The following PRR16 variants were observed in gnomAD, a reference collection of about 807,000 sequenced individuals.
PRR16 encodes the protein proline rich 16, also known as protein Largen.
Under a neutral mutation model 18.2 loss-of-function variants are expected in PRR16, and 6 were observed. The observed-to-expected ratio is 0.33, with a 90% CI of 0.18 to 0.65. The LOEUF (loss-of-function observed/expected upper bound fraction) is 0.65. Ranked by LOEUF, PRR16 falls within the 30% of genes least tolerant of loss-of-function variation. The pLI, the probability that PRR16 is intolerant of heterozygous loss-of-function variation, is 0.74. For synonymous variants in PRR16, 151 were observed against 147.8 expected (o/e 1.02, Z -0.16); for missense variants, 412 against 376.6 (o/e 1.09, Z -0.78).
At chr5:120,756,316 T>A in the PRR16 span, among the ~76,000 whole-genome samples, 1 of 152,102 alleles carries the variant, frequency 6.6e-6, no homozygotes, top group African/African-American at 2.4e-5. Context: ...TTCCTTTTGA[T>A]TTAGTTGTAG....
intron 1 of PRR16, among the ~76,000 whole-genome samples, chr5:120,667,378 A>T (rs1255508431): frequency 6.6e-6 from 1 of 151,774 alleles, no homozygotes; most frequent in Non-Finnish European, 1.5e-5. Context: ...GTGGTCTATC[A>T]ATTTTGTTGA....
chr5:120,611,065 G>C (rs1269373412), intron 1 of PRR16, among the ~76,000 whole-genome samples: 1 of 152,176 alleles, frequency 6.6e-6, no homozygotes, highest in African/African-American at 2.4e-5. Context: ...CTCTTGTTAC[G>C]TGTTAGCAAA....
At chr5:120,549,757 A>T (rs550352878) in intron 1 of PRR16, among the ~76,000 whole-genome samples, 2 of 152,148 alleles carry the variant, frequency 1.3e-5, no homozygotes, top group South Asian at 4.1e-4. Flanking sequence ...ACTTTAGGTG[A>T]TTAATTTGAA....
At chr5:120,616,474 C>T (rs1283920282) in intron 1 of PRR16, among the ~76,000 whole-genome samples, 1 of 152,156 alleles carries the variant, frequency 6.6e-6, no homozygotes, top group Non-Finnish European at 1.5e-5. Context: ...GTTCCCATGA[C>T]CCCAGAGTAT....
At chr5:120,763,418 G>T in the PRR16 span, among the ~76,000 whole-genome samples, 1 of 152,080 alleles carries the variant, frequency 6.6e-6, no homozygotes, top group Non-Finnish European at 1.5e-5. Flanking sequence ...ATAGGTGTGA[G>T]CCACCACGCC....
the PRR16 span, among the ~76,000 whole-genome samples, chr5:120,793,177 A>G: frequency 1.4e-4 from 21 of 152,202 alleles, no homozygotes; most frequent in East Asian, 3.9e-3. Flanking sequence ...ATACCTAAAC[A>G]TATAAAAGAC....
chr5:120,713,874 C>CT, the PRR16 span, among the ~76,000 whole-genome samples: 1 of 152,052 alleles, frequency 6.6e-6, no homozygotes, highest in Non-Finnish European at 1.5e-5. Flanking sequence ...TGTGAATGCA[C>CT]TTTAACTTTC....
chr5:120,718,705 A>G, the PRR16 span, among the ~76,000 whole-genome samples: 1 of 152,114 alleles, frequency 6.6e-6, no homozygotes, highest in African/African-American at 2.4e-5. Flanking sequence ...CATGGATTAC[A>G]TAGTGCATGG....
intron 1 of PRR16, among the ~76,000 whole-genome samples, chr5:120,553,085 A>G (rs1752304579): frequency 6.6e-6 from 1 of 151,904 alleles, no homozygotes; most frequent in Admixed American, 6.6e-5. Context: ...AAAGGTATAT[A>G]AAGGTTAGTA....
the PRR16 span, among the ~76,000 whole-genome samples, chr5:120,781,785 A>C: frequency 6.6e-5 from 10 of 152,186 alleles, no homozygotes; most frequent in African/African-American, 2.4e-4. Flanking sequence ...TGGACAACAG[A>C]GCTTCTATAT....
intron 1 of PRR16, among the ~76,000 whole-genome samples, chr5:120,584,146 A>T (rs1463075276): frequency 6.6e-6 from 1 of 152,196 alleles, no homozygotes; most frequent in Admixed American, 6.5e-5. Context: ...CCAGGGACTA[A>T]TTATATATTA....
chr5:120,514,731 G>A (rs1365040144), intron 1 of PRR16, among the ~76,000 whole-genome samples: 2 of 152,098 alleles, frequency 1.3e-5, no homozygotes, highest in Non-Finnish European at 2.9e-5. Flanking sequence ...TCATCACAAT[G>A]TCCTTTTTTG....
At chr5:120,753,096 G>A in the PRR16 span, among the ~76,000 whole-genome samples, 2 of 151,978 alleles carry the variant, frequency 1.3e-5, 1 homozygote, top group African/African-American at 4.8e-5. Flanking sequence ...AGAGGAGTTA[G>A]CAGAGCAATG....
At chr5:120,634,500 G>A (rs1755163256) in intron 1 of PRR16, among the ~76,000 whole-genome samples, 1 of 152,062 alleles carries the variant, frequency 6.6e-6, no homozygotes, top group Admixed American at 6.6e-5. Context: ...AAAATTAGCT[G>A]GACATGCTGG....
At chr5:120,680,552 G>A (rs1352285349) in intron 1 of PRR16, among the ~76,000 whole-genome samples, 1 of 152,056 alleles carries the variant, frequency 6.6e-6, no homozygotes, top group East Asian at 1.9e-4. Flanking sequence ...ACTTTCCCTG[G>A]CGTTCGAGGC....
chr5:120,783,500 C>T, the PRR16 span, among the ~76,000 whole-genome samples: 1 of 151,870 alleles, frequency 6.6e-6, no homozygotes, highest in East Asian at 1.9e-4. Flanking sequence ...CTCTGTCTAC[C>T]TAGGATGCTT....
At chr5:120,580,631 A>G (rs891513901) in intron 1 of PRR16, among the ~76,000 whole-genome samples, 2 of 151,520 alleles carry the variant, frequency 1.3e-5, no homozygotes, top group African/African-American at 4.9e-5. Context: ...ATTTTTTTGT[A>G]TTTTTAGTAG....
chr5:120,609,795 T>A (rs929504442), intron 1 of PRR16, among the ~76,000 whole-genome samples: 15 of 152,228 alleles, frequency 9.9e-5, no homozygotes, highest in Non-Finnish European at 2.2e-4. Flanking sequence ...CCCATTTCTC[T>A]GGACTGTTTC....
intron 1 of PRR16, among the ~76,000 whole-genome samples, chr5:120,488,412 C>G (rs756351944): frequency 1.3e-5 from 2 of 152,170 alleles, no homozygotes; most frequent in Non-Finnish European, 2.9e-5. Flanking sequence ...TCTATTTCCT[C>G]TAGATTTTCT....
Sources: gnomAD v4.1 joint callset for allele counts (sites outside exome capture counted in the v4.1 genomes callset) on GRCh38, gnomAD v4.1.1 for gene constraint, MANE v1.5 for transcripts, NCBI Gene and HGNC (gene_info 2026-07-23, HGNC 2026-07-21) for gene names.